The following CPNE8 variants were observed in gnomAD, a reference collection of about 807,000 sequenced individuals.
The protein encoded by CPNE8 is copine-8.
In CPNE8, 45 loss-of-function variants were observed where a neutral mutation model predicts 81.5. The ratio of observed to expected loss-of-function variants is 0.55; its 90% CI spans 0.44 to 0.71. The LOEUF is 0.71. Among genes scored for constraint, CPNE8 ranks in the 30% least tolerant of loss-of-function variants. CPNE8 has a pLI of 0.00. For synonymous variants in CPNE8, 252 were observed against 226.3 expected, an observed-to-expected ratio of 1.11 and a Z score of -1.02; for missense variants, 594 against 672.1, an observed-to-expected ratio of 0.88 and a Z score of 1.28.
At position 38,775,867 on chromosome 12, in the gene CPNE8, G is replaced by T. The variant is rs574755145; in HGVS notation, c.471+371C>A. ...TTATACAAATGGGGTAAACTCAAAT[G>T]ACAAGAAATATTCCTTCAGGATTAC... On this transcript the variant is annotated intron_variant, in intron 7 of 19. Coordinates refer to ENST00000331366, the MANE Select transcript of CPNE8 (RefSeq NM_153634.3). Among the ~76,000 whole-genome samples, 60 of 152,212 alleles carry T rather than the reference G, an allele frequency of 3.9e-4. 1 individual carries two copies. The South Asian group carries it at 0.012, about 31-fold the overall frequency.
At chr12:38,806,763 C>T (rs1442926325) in intron 6 of CPNE8, among the ~76,000 whole-genome samples, 1 of 146,462 alleles carries the variant, frequency 6.8e-6, no homozygotes, top group Non-Finnish European at 1.5e-5. Context: ...GGCAATTAGG[C>T]AGGAGAAGGA....
At chr12:38,842,046 A>G (rs1279854320) in intron 4 of CPNE8, among the ~76,000 whole-genome samples, 1 of 149,138 alleles carries the variant, frequency 6.7e-6, no homozygotes, top group Admixed American at 6.7e-5. Flanking sequence ...AAAAAAAAAA[A>G]GCATGATGCA....
At chr12:38,808,498 C>A (rs1214524300) in intron 6 of CPNE8, among the ~76,000 whole-genome samples, 2 of 149,446 alleles carry the variant, frequency 1.3e-5, no homozygotes, top group African/African-American at 4.9e-5. Flanking sequence ...TCAACTATCA[C>A]AAGAACAAAA....
chr12:38,710,312 G>A (rs1940223541), intron 13 of CPNE8, among the ~76,000 whole-genome samples: 1 of 119,490 alleles, frequency 8.4e-6, no homozygotes, highest in African/African-American at 3.0e-5. Context: ...GAAACTGTAA[G>A]CACTATCCAT....
chr12:38,868,081 T>C (rs548486228), intron 3 of CPNE8, among the ~76,000 whole-genome samples: 15 of 152,254 alleles, frequency 9.9e-5, no homozygotes, highest in South Asian at 8.3e-4. Context: ...TAAATTCATA[T>C]GGCTTGTTAT....
chr12:38,656,921 G>A (rs1048909396), intron 19 of CPNE8, among the ~76,000 whole-genome samples: 6 of 152,156 alleles, frequency 3.9e-5, no homozygotes, highest in African/African-American at 9.7e-5. Flanking sequence ...CAAGATGGCC[G>A]AATAGGAACA....
At chr12:38,683,184 A>C (rs1054377808) in intron 16 of CPNE8, among the ~76,000 whole-genome samples, 1 of 152,304 alleles carries the variant, frequency 6.6e-6, no homozygotes, top group East Asian at 1.9e-4. Flanking sequence ...TAAAATTGTT[A>C]TTCTTAAAAA....
At chr12:38,694,524 G>A (rs1191509944) in intron 14 of CPNE8, among the ~76,000 whole-genome samples, 1 of 152,120 alleles carries the variant, frequency 6.6e-6, no homozygotes, top group Non-Finnish European at 1.5e-5. Context: ...AAATAATAAA[G>A]CACCATAAAA....
chr12:38,788,694 T>C (rs1592089325), intron 6 of CPNE8, among the ~76,000 whole-genome samples: 1 of 152,006 alleles, frequency 6.6e-6, no homozygotes, highest in South Asian at 2.1e-4. Flanking sequence ...GCAGATTATA[T>C]GGTCTTATAT....
At position 38,677,641 on chromosome 12, in the gene CPNE8, T is replaced by C. The variant is rs1365295489; in HGVS notation, c.1272-87A>G. 3 of 738,462 alleles carry C rather than the reference T, an allele frequency of 4.1e-6. No individual in the cohort carries two copies. In the African/African-American group the frequency reaches 5.2e-5, roughly 13 times the overall value. 45.7% of individuals were successfully genotyped at this position (738,462 alleles called of 1,614,324 possible). A position where few individuals can be genotyped will look rare whatever the true frequency, so the allele number is the denominator to read the frequency against. ...TACAATTTGGAATAGTTAACAAACA[T>C]TTTAATCTCAATAAAATATTTGAAC... On this transcript the variant is annotated intron_variant, in intron 16 of 19. Coordinates refer to ENST00000331366, the MANE Select transcript of CPNE8 (RefSeq NM_153634.3).
intron 6 of CPNE8, among the ~76,000 whole-genome samples, chr12:38,806,276 C>A (rs1210127615): frequency 2.7e-5 from 4 of 150,210 alleles, no homozygotes; most frequent in Non-Finnish European, 4.5e-5. Flanking sequence ...ATCCTGATAC[C>A]AAAGCCAGGC....
chr12:38,758,956 A>T (rs540206731), intron 10 of CPNE8, among the ~76,000 whole-genome samples: 19 of 152,272 alleles, frequency 1.2e-4, no homozygotes, highest in Non-Finnish European at 1.9e-4. Flanking sequence ...ATGTGGATGA[A>T]ACCTAAATTT....
At chr12:38,716,751 CCCAAAACCAAATGCA>C (rs758237634) in intron 13 of CPNE8, among the ~76,000 whole-genome samples, 2 of 151,964 alleles carry the variant, frequency 1.3e-5, no homozygotes, top group Non-Finnish European at 2.9e-5. Context: ...TGACTAAGAA[CCCAAAACCAAATGCA>C]ACAAAAACAA....
At position 38,740,400 on chromosome 12, in the gene CPNE8, G is replaced by C. The variant is rs185842215; in HGVS notation, c.723-10042C>G. Among the ~76,000 whole-genome samples, 18 of 152,286 alleles carry C rather than the reference G, an allele frequency of 1.2e-4. No individual in the cohort carries two copies. The East Asian group carries it at 3.1e-3, about 26-fold the overall frequency. On this transcript the variant is annotated intron_variant, in intron 10 of 19. Coordinates refer to ENST00000331366, the MANE Select transcript of CPNE8 (RefSeq NM_153634.3). ...TGAATACTGTTTCTTTCTCCTGCCTGATTGCCGTGGCCAGAACTTCCAACA... is the reference window on the plus strand; with the variant it reads ...TGAATACTGTTTCTTTCTCCTGCCTCATTGCCGTGGCCAGAACTTCCAACA...
At position 38,767,663 on chromosome 12, in the gene CPNE8, C is replaced by G; in HGVS notation, c.547G>C (p.Val183Leu). ...CCATCTTCATTACTTCGATAAAATA[C>G]AAGGAAAGGATCTGATTTTCCAAAG... ...DFFGKSDPFL[V>L]FYRSNEDGSF... The change falls in exon 8 of 20, where the codon GTA becomes CTA. Residue 183 changes from valine (V) to leucine (L), a missense_variant. Coordinates refer to ENST00000331366, the MANE Select transcript of CPNE8 (RefSeq NM_153634.3). 1 of 1,564,068 alleles carries G rather than the reference C, an allele frequency of 6.4e-7. No individual in the cohort carries two copies. The highest frequency in any genetic ancestry group is 8.6e-7 in the Non-Finnish European group (1 of 1,161,538).
intron 6 of CPNE8, among the ~76,000 whole-genome samples, chr12:38,797,292 C>T (rs534782082): frequency 6.6e-6 from 1 of 152,206 alleles, no homozygotes; most frequent in Non-Finnish European, 1.5e-5. Flanking sequence ...AACTGGGAGG[C>T]ACCCCCCAGT....
intron 8 of CPNE8, 111 bp from the exon 9 acceptor site, chr12:38,762,327 G>A (rs1264985068): frequency 8.5e-6 from 4 of 470,108 alleles, no homozygotes; most frequent in Non-Finnish European, 1.5e-5. Context: ...CAGTTCCGCT[G>A]TTGCTGCTAC....
chr12:38,704,943 A>G (rs1487422988), intron 13 of CPNE8, among the ~76,000 whole-genome samples: 2 of 142,616 alleles, frequency 1.4e-5, no homozygotes, highest in Non-Finnish European at 3.0e-5. Flanking sequence ...TGCTGATGGA[A>G]ACTAATGAGG....
At position 38,685,575 on chromosome 12, in the gene CPNE8, C is replaced by T. The variant is rs748500905; in HGVS notation, c.1186G>A (p.Val396Ile). 6.2e-7 allele frequency: 1 copy of T among 1,613,508 alleles called. No homozygotes were observed. The highest frequency in any genetic ancestry group is 8.5e-7 in the Non-Finnish European group (1 of 1,179,584). ...QNPYCDGIEG[V>I]MEAYYRSLKS... ...AGACTCCTGTAATAAGCCTCCATGA[C>T]CCCCTCAATGCCATCACAGTAGGGG... The change falls in exon 16 of 20, where the codon GTC becomes ATC. Residue 396 changes from valine to isoleucine, a missense_variant. Transcript: ENST00000331366.
Sources: allele counts gnomAD v4.1 joint callset (sites outside exome capture counted in the v4.1 genomes callset), GRCh38; gene constraint gnomAD v4.1.1; transcripts MANE v1.5; gene names NCBI Gene and HGNC (gene_info 2026-07-23, HGNC 2026-07-21).